The following PEX5L variants were observed in gnomAD, a reference collection of about 807,000 sequenced individuals.
The protein encoded by PEX5L is PEX5-related protein.
In PEX5L, 30 loss-of-function variants were observed where a neutral mutation model predicts 84.0. The observed-to-expected ratio is 0.36, with a 90% CI of 0.27 to 0.48. The LOEUF is 0.48. Among genes scored for constraint, PEX5L ranks in the 20% least tolerant of loss-of-function variants. The pLI is 0.99. For synonymous variants in PEX5L, 270 were observed against 283.1 expected, an observed-to-expected ratio of 0.95 and a Z score of 0.46; for missense variants, 533 against 754.6, an observed-to-expected ratio of 0.71 and a Z score of 3.44.
chr3:179,798,712 A>G lies in PEX5L; in HGVS notation c.*3116T>C, dbSNP rs1239540902. On this transcript the variant is annotated 3_prime_UTR_variant, in exon 15 of 15. Coordinates refer to ENST00000467460, the MANE Select transcript of PEX5L (RefSeq NM_016559.3). ...CTTCTCAGAGTACCTCAGAAGGGAA[A>G]TAAGGATACCCTCCCCTTTCAAACG... The G allele has an allele frequency of 6.6e-6, 1 of 152,206 alleles. No homozygotes were observed. Among genetic ancestry groups the G allele is most frequent in the Non-Finnish European group, 1.5e-5 (1 of 68,030 alleles). The allele number at this position is 152,206 out of a possible 1,614,324, so 9.4% of individuals were successfully genotyped here. A position where few individuals can be genotyped will look rare whatever the true frequency, so the allele number is the denominator to read the frequency against.
chr3:180,001,378 T>C (rs1029574737), intron 1 of PEX5L, among the ~76,000 whole-genome samples: 2 of 148,684 alleles, frequency 1.3e-5, no homozygotes, highest in Non-Finnish European at 3.0e-5. Context: ...AAGATATATA[T>C]ATATATCATA....
intron 2 of PEX5L, among the ~76,000 whole-genome samples, chr3:179,961,873 C>T (rs1463950805): frequency 6.6e-6 from 1 of 152,122 alleles, no homozygotes; most frequent in East Asian, 1.9e-4. Context: ...GAAAGCTGAA[C>T]TGTCGATACG....
intron 9 of PEX5L, 68 bp downstream of exon 9, chr3:179,819,792 A>T: frequency 1.5e-6 from 2 of 1,322,176 alleles, no homozygotes; most frequent in South Asian, 2.4e-5. Flanking sequence ...GCTATTGACT[A>T]ATCTATAAAA....
chr3:179,911,108 GTGCTTAGAC>G (rs1444805835), intron 2 of PEX5L, among the ~76,000 whole-genome samples: 1 of 152,172 alleles, frequency 6.6e-6, no homozygotes, highest in Admixed American at 6.5e-5. Context: ...TGTCTGGGCT[GTGCTTAGAC>G]TCAAGTCCCA....
chr3:179,962,337 T>A (rs1295434726), intron 2 of PEX5L, among the ~76,000 whole-genome samples: 1 of 152,208 alleles, frequency 6.6e-6, no homozygotes, highest in Non-Finnish European at 1.5e-5. Context: ...AGGCTGCAGA[T>A]CCCAAGTTCA....
intron 1 of PEX5L, among the ~76,000 whole-genome samples, chr3:179,972,406 T>C (rs1373994972): frequency 2.0e-5 from 3 of 152,114 alleles, no homozygotes; most frequent in Non-Finnish European, 2.9e-5. Flanking sequence ...ATGATAATCA[T>C]TTTACACTTG....
intron 2 of PEX5L, among the ~76,000 whole-genome samples, chr3:179,911,448 C>T (rs1765149122): frequency 6.6e-6 from 1 of 151,918 alleles, no homozygotes; most frequent in Admixed American, 6.6e-5. Context: ...TTGGAGAGTG[C>T]CAATGATACT....
intron 3 of PEX5L, 87 bp downstream of exon 3, chr3:179,898,055 A>G (rs570855133): frequency 7.1e-4 from 559 of 789,284 alleles, no homozygotes; most frequent in Non-Finnish European, 1.0e-3. Flanking sequence ...TTCAAGAGTT[A>G]AAGTTTTTTT....
At chr3:179,917,951 G>T (rs1450730162) in intron 2 of PEX5L, among the ~76,000 whole-genome samples, 2 of 152,136 alleles carry the variant, frequency 1.3e-5, no homozygotes, top group East Asian at 3.9e-4. Context: ...GAGCCACTGC[G>T]CCTGGCCTTG....
chr3:180,027,914 A>G (rs1791110828), intron 1 of PEX5L, among the ~76,000 whole-genome samples: 1 of 152,066 alleles, frequency 6.6e-6, no homozygotes, highest in African/African-American at 2.4e-5. Flanking sequence ...TTTTCTCATA[A>G]TTAGACTCAG....
At chr3:179,969,196 T>A (rs531187671) in intron 2 of PEX5L, among the ~76,000 whole-genome samples, 86 of 152,236 alleles carry the variant, frequency 5.6e-4, no homozygotes, top group Non-Finnish European at 9.1e-4. Context: ...TTATCCTCTT[T>A]AGATTTTCTT....
At chr3:179,824,698 C>T (rs1729741115) in intron 8 of PEX5L, among the ~76,000 whole-genome samples, 1 of 98,430 alleles carries the variant, frequency 1.0e-5, no homozygotes, top group South Asian at 3.8e-4. Flanking sequence ...CAGAGTGAAA[C>T]TCCATCTCAA....
At chr3:179,996,069 A>G (rs1561038057) in intron 1 of PEX5L, among the ~76,000 whole-genome samples, 1 of 152,190 alleles carries the variant, frequency 6.6e-6, no homozygotes, top group African/African-American at 2.4e-5. Context: ...TGCCTGAGGT[A>G]AGAGTGGTGG....
intron 8 of PEX5L, among the ~76,000 whole-genome samples, chr3:179,848,333 T>A (rs1035053471): frequency 3.3e-5 from 5 of 152,072 alleles, no homozygotes; most frequent in African/African-American, 1.2e-4. Context: ...GGCAGATCAC[T>A]TGAGCTCAGG....
intron 3 of PEX5L, among the ~76,000 whole-genome samples, chr3:179,891,163 G>A (rs1327451104): frequency 6.6e-6 from 1 of 151,782 alleles, no homozygotes; most frequent in Non-Finnish European, 1.5e-5. Context: ...GCCTCAGGAA[G>A]TCTGTGTCTT....
At position 179,889,336 on chromosome 3, in the gene PEX5L, G is replaced by C. The variant is rs577331684; in HGVS notation, c.199-1552C>G. Among the ~76,000 whole-genome samples, 88 of 152,260 alleles carry C rather than the reference G, an allele frequency of 5.8e-4. 1 individual carries two copies. In the South Asian group the frequency reaches 0.018, roughly 31 times the overall value. Reference sequence around the variant, plus strand: ...TGAAAGGGCAATATGGAAGCACTTAGTGGTCTTTTGGAGACTGGAAGCCAA... The same window carrying C: ...TGAAAGGGCAATATGGAAGCACTTACTGGTCTTTTGGAGACTGGAAGCCAA... On this transcript the variant is annotated intron_variant, in intron 3 of 14. Transcript: ENST00000467460.
intron 8 of PEX5L, among the ~76,000 whole-genome samples, chr3:179,852,207 A>T (rs1471713558): frequency 6.6e-6 from 1 of 152,176 alleles, no homozygotes; most frequent in African/African-American, 2.4e-5. Flanking sequence ...GCCTGCAGTC[A>T]TCCCAAGGTA....
intron 2 of PEX5L, among the ~76,000 whole-genome samples, chr3:179,924,690 A>G (rs543809753): frequency 1.3e-5 from 2 of 152,164 alleles, no homozygotes; most frequent in Non-Finnish European, 2.9e-5. Context: ...CTGCATTTCC[A>G]TGATCCTAAT....
At chr3:179,862,361 G>A (rs1308193848) in intron 7 of PEX5L, among the ~76,000 whole-genome samples, 1 of 152,084 alleles carries the variant, frequency 6.6e-6, no homozygotes, top group Non-Finnish European at 1.5e-5. Flanking sequence ...CAGTATATTC[G>A]ATGAACAAAT....
Sources: allele counts gnomAD v4.1 joint callset (sites outside exome capture counted in the v4.1 genomes callset), GRCh38; gene constraint gnomAD v4.1.1; transcripts MANE v1.5; gene names NCBI Gene and HGNC (gene_info 2026-07-23, HGNC 2026-07-21).